Variants in PLAAT1 observed in about 807,000 individuals in gnomAD.
PLAAT1 encodes H-REV107 protein-related protein.
PLAAT1 carries 13 observed loss-of-function variants against 16.4 expected under a neutral mutation model. The observed-to-expected ratio is 0.79, with a 90% CI of 0.52 to 1.26. The LOEUF (loss-of-function observed/expected upper bound fraction) is 1.26. PLAAT1 is among the 50% of genes most tolerant of loss of function. The probability of loss-of-function intolerance (pLI) is 0.00; values close to 1 mark genes in which losing one functional copy is unlikely to be tolerated. For missense variants in PLAAT1, 218 were observed against 207.8 expected, an observed-to-expected ratio of 1.05 and a Z score of -0.30; for synonymous variants, 73 against 78.4, an observed-to-expected ratio of 0.93 and a Z score of 0.36.
downstream of PLAAT1, chr3:193,275,021 C>T (rs765340054): frequency 1.9e-6 from 3 of 1,612,850 alleles, no homozygotes; most frequent in East Asian, 2.2e-5. Context: ...TGCTGTTGAG[C>T]ATGTACGACG....
At chr3:193,269,163 G>C (rs1035196575) in intron 3 of PLAAT1, among the ~76,000 whole-genome samples, 2 of 152,050 alleles carry the variant, frequency 1.3e-5, no homozygotes, top group Non-Finnish European at 2.9e-5. Context: ...CATATGGGTG[G>C]CTCTGTGCTA....
downstream of PLAAT1, chr3:193,275,029 A>G: frequency 1.2e-6 from 2 of 1,613,724 alleles, no homozygotes; most frequent in Non-Finnish European, 1.7e-6. Context: ...AGCATGTACG[A>G]CGACAATTCT....
chr3:193,255,810 C>G lies in PLAAT1; in HGVS notation c.139+21C>G, dbSNP rs201625639. The G allele has an allele frequency of 1.2e-3, 1,907 of 1,547,032 alleles. 4 individuals are homozygous for G. The highest frequency in any genetic ancestry group is 1.6e-3 in the Non-Finnish European group (1,824 of 1,141,614). ...TGTAGGTGAGGTTTATTTCCAGTGG[C>G]TCCTGGGAGCAAAGTTTTAGTGTTC... is the stretch of plus-strand genomic sequence containing the variant. On this transcript the variant is annotated intron_variant, in intron 2 of 3. Transcript: ENST00000264735.
At chr3:193,276,734 A>G (rs1275880191) in intron 2 of PLAAT1, 5 of 1,545,896 alleles carry the variant, frequency 3.2e-6, no homozygotes, top group East Asian at 2.2e-5. Context: ...TAGAAAAAAT[A>G]TAGAGATTAC....
At chr3:193,275,666 A>G (rs1397558492), downstream of PLAAT1, among the ~76,000 whole-genome samples, 1 of 152,224 alleles carries the variant, frequency 6.6e-6, no homozygotes, top group Non-Finnish European at 1.5e-5. Flanking sequence ...CCTGCCATGT[A>G]AAAGGTGTCT....
upstream of PLAAT1, chr3:193,241,008 C>T (rs1301929216): frequency 1.1e-5 from 4 of 373,022 alleles, no homozygotes; most frequent in East Asian, 1.7e-4. Context: ...GGTGCGGAGC[C>T]GGGGGCGGAA....
chr3:193,251,204 G>A (rs757535765), intron 1 of PLAAT1, among the ~76,000 whole-genome samples: 33 of 152,280 alleles, frequency 2.2e-4, no homozygotes, highest in Middle Eastern at 3.4e-3. Flanking sequence ...TATCTCAGGA[G>A]CAAACCAGGC....
chr3:193,271,430 G>A (rs1398045686), downstream of PLAAT1, among the ~76,000 whole-genome samples: 1 of 152,198 alleles, frequency 6.6e-6, no homozygotes, highest in Admixed American at 6.5e-5. Context: ...ATCATTAAAT[G>A]TTTGTTTAAA....
chr3:193,243,573 G>A (rs986395661), intron 1 of PLAAT1, among the ~76,000 whole-genome samples: 1 of 152,112 alleles, frequency 6.6e-6, no homozygotes, highest in South Asian at 2.1e-4. Context: ...TATTTGAGAA[G>A]GGGAAAAAAT....
At chr3:193,270,856 T>A, downstream of PLAAT1, 1 of 1,318,076 alleles carries the variant, frequency 7.6e-7, no homozygotes, top group Non-Finnish European at 9.7e-7. Flanking sequence ...TATTATCTTA[T>A]CATTGAGCCA....
At chr3:193,242,691 G>T (rs1715818247) in intron 1 of PLAAT1, among the ~76,000 whole-genome samples, 1 of 152,134 alleles carries the variant, frequency 6.6e-6, no homozygotes, top group African/African-American at 2.4e-5. Context: ...CCAAGGAGTG[G>T]AACCCTCCTT....
At chr3:193,247,900 C>T (rs1182711019) in intron 1 of PLAAT1, among the ~76,000 whole-genome samples, 2 of 152,126 alleles carry the variant, frequency 1.3e-5, no homozygotes, top group Non-Finnish European at 2.9e-5. Flanking sequence ...AATGTATATT[C>T]AATTGTTGTT....
chr3:193,264,860 A>G (rs1577310202), intron 3 of PLAAT1, among the ~76,000 whole-genome samples: 1 of 152,294 alleles, frequency 6.6e-6, no homozygotes, highest in East Asian at 1.9e-4. Flanking sequence ...ATTGTTCAGT[A>G]GTAAGTTTTC....
At chr3:193,242,072 C>G (rs1251374315) in intron 1 of PLAAT1, among the ~76,000 whole-genome samples, 1 of 151,366 alleles carries the variant, frequency 6.6e-6, no homozygotes, top group African/African-American at 2.4e-5. Flanking sequence ...TGCCGCCCAA[C>G]ACAAATTTGT....
chr3:193,271,756 G>C (rs1284176769), downstream of PLAAT1, among the ~76,000 whole-genome samples: 1 of 152,132 alleles, frequency 6.6e-6, no homozygotes, highest in African/African-American at 2.4e-5. Context: ...TTGATACAGT[G>C]AGAAAGCTAG....
downstream of PLAAT1, chr3:193,279,549 ACC>A: frequency 1.1e-6 from 1 of 885,316 alleles, no homozygotes; most frequent in East Asian, 2.5e-5. Flanking sequence ...TTGGGCAAAT[ACC>A]AGATATATCT....
At position 193,270,750 on chromosome 3, in the gene PLAAT1, G is replaced by A; in HGVS notation, c.*45G>A. ...TGATATTGAAGGAATTTGGGAGGAGGAAAAGAAACCTGGGGTGAATACTTA... is the reference window on the plus strand; with the variant it reads ...TGATATTGAAGGAATTTGGGAGGAGAAAAAGAAACCTGGGGTGAATACTTA... On this transcript the variant is annotated 3_prime_UTR_variant, in exon 4 of 4. Transcript: ENST00000264735. 6.3e-7 allele frequency: 1 copy of A among 1,597,418 alleles called. No homozygotes were observed. The highest frequency in any genetic ancestry group is 8.5e-7 in the Non-Finnish European group (1 of 1,170,812).
chr3:193,261,697 C>A (rs538481319), intron 2 of PLAAT1, among the ~76,000 whole-genome samples: 1 of 152,082 alleles, frequency 6.6e-6, no homozygotes, highest in East Asian at 1.9e-4. Flanking sequence ...TATTATCATG[C>A]CTTAAATTCC....
At chr3:193,247,217 A>G (rs1716012718) in intron 1 of PLAAT1, among the ~76,000 whole-genome samples, 1 of 152,204 alleles carries the variant, frequency 6.6e-6, no homozygotes, top group Non-Finnish European at 1.5e-5. Flanking sequence ...TGCTTTAGGC[A>G]GACAGTAAGT....
Sources: gnomAD v4.1 joint callset for allele counts (sites outside exome capture counted in the v4.1 genomes callset) on GRCh38, gnomAD v4.1.1 for gene constraint, MANE v1.5 for transcripts, NCBI Gene and HGNC (gene_info 2026-07-23, HGNC 2026-07-21) for gene names.